Variants in TTC28 observed in about 807,000 individuals in gnomAD.
The protein encoded by TTC28 is tetratricopeptide repeat protein 28.
Under a neutral mutation model 198.0 loss-of-function variants are expected in TTC28, and 61 were observed. That is an observed-to-expected ratio of 0.31 (90% CI 0.25 to 0.38). TTC28 has a LOEUF of 0.38. Among genes scored for constraint, TTC28 ranks in the 10% least tolerant of loss-of-function variants. The pLI is 1.00. For missense variants in TTC28, 2,678 were observed against 3,164.0 expected (o/e 0.85, Z 3.69); for synonymous variants, 1,171 against 1,297.8 (o/e 0.90, Z 2.10).
chr22:28,494,847 GA>G (rs917609677), intron 2 of TTC28, among the ~76,000 whole-genome samples: 7 of 149,210 alleles, frequency 4.7e-5, no homozygotes, highest in South Asian at 2.1e-4. Context: ...GACTCAAGAA[GA>G]AAAAAAAATT....
chr22:28,255,498 G>A (rs1255065144), intron 5 of TTC28, among the ~76,000 whole-genome samples: 2 of 151,918 alleles, frequency 1.3e-5, no homozygotes, highest in African/African-American at 2.4e-5. Flanking sequence ...CCTGACCAAC[G>A]TGGTAAAACC....
intron 2 of TTC28, among the ~76,000 whole-genome samples, chr22:28,416,967 C>T (rs1245506149): frequency 1.3e-5 from 2 of 152,158 alleles, no homozygotes; most frequent in Non-Finnish European, 2.9e-5. Flanking sequence ...TTTCCATAAA[C>T]AATTTTGCAA....
intron 2 of TTC28, among the ~76,000 whole-genome samples, chr22:28,609,029 C>T (rs1023815028): frequency 6.6e-6 from 1 of 152,030 alleles, no homozygotes; most frequent in Non-Finnish European, 1.5e-5. Context: ...CAGGAAAGTA[C>T]TGCCCATACA....
intron 11 of TTC28, 53 bp downstream of exon 11, chr22:28,096,137 C>G: frequency 2.0e-6 from 3 of 1,472,514 alleles, no homozygotes; most frequent in East Asian, 5.0e-5. Context: ...ATTCATTAGA[C>G]TTTCACAGGT....
intron 2 of TTC28, among the ~76,000 whole-genome samples, chr22:28,445,861 T>C (rs1287354433): frequency 1.4e-5 from 2 of 146,762 alleles, no homozygotes; most frequent in Admixed American, 6.9e-5. Flanking sequence ...TACATATCTA[T>C]ACACACACAC....
chr22:28,046,959 T>C (rs1460688974), intron 12 of TTC28, among the ~76,000 whole-genome samples: 1 of 152,148 alleles, frequency 6.6e-6, no homozygotes. Flanking sequence ...CAGATGCACA[T>C]AGGAAATGGC....
At chr22:28,460,094 G>A (rs955895351) in intron 2 of TTC28, 5 of 152,032 alleles carry the variant, frequency 3.3e-5, no homozygotes, top group African/African-American at 1.2e-4. Context: ...ACTCAGAGTC[G>A]ACAGAACAGC....
intron 13 of TTC28, among the ~76,000 whole-genome samples, chr22:28,025,736 GGT>G (rs1938804990): frequency 6.6e-6 from 1 of 152,196 alleles, no homozygotes; most frequent in African/African-American, 2.4e-5. Context: ...TGGGTGAGGT[GGT>G]GTGCACCTGT....
At chr22:28,144,847 A>G (rs1943427217) in intron 6 of TTC28, among the ~76,000 whole-genome samples, 1 of 152,260 alleles carries the variant, frequency 6.6e-6, no homozygotes, top group Admixed American at 6.5e-5. Flanking sequence ...GCGCCTCACC[A>G]TCTGGGCACA....
intron 5 of TTC28, among the ~76,000 whole-genome samples, chr22:28,272,201 C>T (rs1472585882): frequency 2.0e-5 from 3 of 152,120 alleles, no homozygotes; most frequent in African/African-American, 4.8e-5. Context: ...CATAGATGTT[C>T]CCAAAATTTG....
At chr22:28,639,848 T>C (rs1180554648) in intron 1 of TTC28, among the ~76,000 whole-genome samples, 1 of 152,044 alleles carries the variant, frequency 6.6e-6, no homozygotes, top group African/African-American at 2.4e-5. Context: ...ACAAAATAGA[T>C]GATAAGAGAA....
At chr22:28,624,935 T>C (rs2051055080) in intron 2 of TTC28, among the ~76,000 whole-genome samples, 1 of 152,224 alleles carries the variant, frequency 6.6e-6, no homozygotes. Flanking sequence ...AAAGTTGATT[T>C]AGTTGATTTA....
intron 2 of TTC28, among the ~76,000 whole-genome samples, chr22:28,390,495 G>T (rs371686287): frequency 2.0e-5 from 3 of 152,094 alleles, no homozygotes; most frequent in African/African-American, 2.4e-5. Flanking sequence ...TTTGTAGGTC[G>T]CTCAGGACTT....
intron 5 of TTC28, among the ~76,000 whole-genome samples, chr22:28,294,282 T>C (rs1006381502): frequency 1.3e-5 from 2 of 152,152 alleles, no homozygotes; most frequent in East Asian, 3.9e-4. Flanking sequence ...GGGTCCCTTC[T>C]ATCCTCATAA....
chr22:28,312,889 C>CA (rs1160931400), intron 2 of TTC28, among the ~76,000 whole-genome samples: 6 of 151,738 alleles, frequency 4.0e-5, no homozygotes, highest in African/African-American at 9.7e-5. Flanking sequence ...GATAGAGACA[C>CA]AAAAAAACCT....
intron 12 of TTC28, among the ~76,000 whole-genome samples, chr22:28,034,623 T>G (rs1473673831): frequency 1.3e-5 from 2 of 152,194 alleles, no homozygotes; most frequent in East Asian, 3.8e-4. Context: ...GCCCTAGTCT[T>G]CTGTCTGGAG....
At chr22:28,298,191 G>T (rs16986272) in intron 3 of TTC28, among the ~76,000 whole-genome samples, 4 of 152,072 alleles carry the variant, frequency 2.6e-5, no homozygotes, top group Non-Finnish European at 5.9e-5. Flanking sequence ...AGTCCTACTT[G>T]TACTGGGAAT....
intron 12 of TTC28, among the ~76,000 whole-genome samples, chr22:28,056,620 T>TATGG (rs1940301525): frequency 7.0e-6 from 1 of 142,526 alleles, no homozygotes; most frequent in Non-Finnish European, 1.5e-5. Context: ...ATTTATGGTT[T>TATGG]TTAATATAAA....
At chr22:28,382,385 T>C (rs1015427615) in intron 2 of TTC28, among the ~76,000 whole-genome samples, 3 of 152,156 alleles carry the variant, frequency 2.0e-5, no homozygotes, top group African/African-American at 7.2e-5. Flanking sequence ...CACTTGAGTA[T>C]TCCCTGGGCC....
Sources: gnomAD v4.1 joint callset for allele counts (sites outside exome capture counted in the v4.1 genomes callset) on GRCh38, gnomAD v4.1.1 for gene constraint, MANE v1.5 for transcripts, NCBI Gene and HGNC (gene_info 2026-07-23, HGNC 2026-07-21) for gene names.